The following TCF4 variants were observed in gnomAD, a reference collection of about 807,000 sequenced individuals.
TCF4 encodes the protein SL3-3 enhancer factor 2.
In TCF4, 3 loss-of-function variants were observed where a neutral mutation model predicts 82.1. The ratio of observed to expected loss-of-function variants is 0.04; its 90% confidence interval spans 0.02 to 0.09. The LOEUF is 0.09. Among genes scored for constraint, TCF4 ranks in the 10% least tolerant of loss-of-function variants. The probability of loss-of-function intolerance (pLI) is 1.00; values close to 1 mark genes in which losing one functional copy is unlikely to be tolerated. For missense variants in TCF4, 518 were observed against 852.7 expected, an observed-to-expected ratio of 0.61 and a Z score of 4.89; for synonymous variants, 276 against 309.6, an observed-to-expected ratio of 0.89 and a Z score of 1.14.
upstream of TCF4, among the ~76,000 whole-genome samples, chr18:55,588,955 C>G (rs1473875926): frequency 1.3e-5 from 2 of 151,964 alleles, no homozygotes; most frequent in Non-Finnish European, 2.9e-5. Context: ...CAACATTTAC[C>G]ATTATAGGCC....
At chr18:55,589,873 G>C (rs893069623), upstream of TCF4, 1 of 994,382 alleles carries the variant, frequency 1.0e-6, no homozygotes. Context: ...GGCGGGAGCA[G>C]GCGACCATAG....
chr18:55,522,114 GA>G (rs2096938122), intron 3 of TCF4, among the ~76,000 whole-genome samples: 1 of 152,150 alleles, frequency 6.6e-6, no homozygotes, highest in Admixed American at 6.5e-5. Flanking sequence ...CTAAAAACTG[GA>G]AAAGACTGAT....
At chr18:55,625,307 C>T (rs1322656419) in intron 2 of TCF4, among the ~76,000 whole-genome samples, 9 of 150,260 alleles carry the variant, frequency 6.0e-5, no homozygotes, top group Non-Finnish European at 1.3e-4. Flanking sequence ...GGCCTGATCT[C>T]GGCTCACTGC....
intron 5 of TCF4, among the ~76,000 whole-genome samples, chr18:55,424,004 C>T (rs913826991): frequency 4.6e-5 from 7 of 152,078 alleles, no homozygotes; most frequent in Non-Finnish European, 7.4e-5. Flanking sequence ...CATGGCCCCT[C>T]CCTCTCCAAC....
chr18:55,222,770 T>C lies in TCF4; in HGVS notation c.*5265A>G, dbSNP rs2144209776. ...TAGATTGATGTCCATTCTACAAAAA[T>C]ATTAACTTACAGTACATAACACTGA... On this transcript the variant is annotated 3_prime_UTR_variant, in exon 20 of 20. Coordinates refer to ENST00000354452, the MANE Select transcript of TCF4 (RefSeq NM_001083962.2). The C allele has an allele frequency of 6.5e-6, 1 of 152,766 alleles. No individual in the cohort carries two copies. The highest frequency in any genetic ancestry group is 2.1e-4 in the South Asian group (1 of 4,824). 9.5% of individuals were successfully genotyped at this position (152,766 alleles called of 1,614,324 possible). A position where few individuals can be genotyped will look rare whatever the true frequency, so the allele number is the denominator to read the frequency against.
chr18:55,390,480 G>T (rs2092997933), intron 6 of TCF4, among the ~76,000 whole-genome samples: 1 of 151,656 alleles, frequency 6.6e-6, no homozygotes, highest in Non-Finnish European at 1.5e-5. Context: ...ATGTATTATT[G>T]TTGAATGTTC....
chr18:55,247,512 G>C (rs2053642792), intron 15 of TCF4, among the ~76,000 whole-genome samples: 1 of 152,182 alleles, frequency 6.6e-6, no homozygotes, highest in African/African-American at 2.4e-5. Flanking sequence ...ATCAAACATA[G>C]CAAAACAGGA....
chr18:55,300,387 G>T (rs1167297636), intron 8 of TCF4, among the ~76,000 whole-genome samples: 1 of 148,054 alleles, frequency 6.8e-6, no homozygotes, highest in Non-Finnish European at 1.5e-5. Flanking sequence ...CGGTCATTTG[G>T]AAGGCAGGGG....
chr18:55,490,891 G>A (rs1422390596), intron 3 of TCF4, among the ~76,000 whole-genome samples: 1 of 152,180 alleles, frequency 6.6e-6, no homozygotes, highest in African/African-American at 2.4e-5. Flanking sequence ...GAATGACTGA[G>A]AATGCTATTT....
At chr18:55,545,741 C>T (rs976901535) in intron 3 of TCF4, among the ~76,000 whole-genome samples, 34 of 152,122 alleles carry the variant, frequency 2.2e-4, no homozygotes, top group African/African-American at 7.5e-4. Flanking sequence ...TGAGACACCA[C>T]GCCCGGCGCC....
chr18:55,335,024 T>C (rs1320777922), intron 8 of TCF4, among the ~76,000 whole-genome samples: 2 of 152,162 alleles, frequency 1.3e-5, no homozygotes, highest in African/African-American at 4.8e-5. Flanking sequence ...GAGGACCAGA[T>C]TTGGCCACTG....
At chr18:55,584,843 T>C (rs1467269290) in intron 3 of TCF4, among the ~76,000 whole-genome samples, 1 of 152,158 alleles carries the variant, frequency 6.6e-6, no homozygotes, top group Non-Finnish European at 1.5e-5. Flanking sequence ...TTTGCAGAAT[T>C]AAGTGTTCAT....
At chr18:55,466,997 T>A (rs1283632151) in intron 3 of TCF4, among the ~76,000 whole-genome samples, 1 of 152,224 alleles carries the variant, frequency 6.6e-6, no homozygotes, top group Non-Finnish European at 1.5e-5. Context: ...TGCACCTTTC[T>A]TTCTTTGATT....
At chr18:55,635,640 G>A in intron 1 of TCF4, 1 of 1,503,058 alleles carries the variant, frequency 6.7e-7, no homozygotes, top group Admixed American at 2.2e-5. Context: ...GGTGGCCATG[G>A]GAGATCATTT....
At chr18:55,579,433 T>TA (rs973430249) in intron 3 of TCF4, among the ~76,000 whole-genome samples, 31 of 138,020 alleles carry the variant, frequency 2.2e-4, no homozygotes, top group African/African-American at 4.8e-4. Context: ...CACCTGGCCA[T>TA]AAAAAATAGC....
chr18:55,458,900 C>G (rs866329028), intron 5 of TCF4, among the ~76,000 whole-genome samples: 3 of 152,134 alleles, frequency 2.0e-5, no homozygotes, highest in African/African-American at 4.8e-5. Flanking sequence ...TGACCCCAGT[C>G]TGACACTGCG....
intron 3 of TCF4, among the ~76,000 whole-genome samples, chr18:55,556,802 C>A (rs967856938): frequency 6.6e-5 from 10 of 152,212 alleles, no homozygotes; most frequent in Non-Finnish European, 1.5e-4. Context: ...TACTGTTATT[C>A]AGTTCAGTTC....
intron 8 of TCF4, among the ~76,000 whole-genome samples, chr18:55,347,300 C>T (rs2081386031): frequency 6.6e-6 from 1 of 151,894 alleles, no homozygotes; most frequent in African/African-American, 2.4e-5. Flanking sequence ...GCAGAGCTCT[C>T]GTGGGCAATT....
intron 2 of TCF4, among the ~76,000 whole-genome samples, chr18:55,625,364 G>A (rs2097725521): frequency 6.6e-6 from 1 of 151,634 alleles, no homozygotes; most frequent in Non-Finnish European, 1.5e-5. Flanking sequence ...TCAGCCTCCT[G>A]AGTAGCTGGG....
Sources: allele counts gnomAD v4.1 joint callset (sites outside exome capture counted in the v4.1 genomes callset), GRCh38; gene constraint gnomAD v4.1.1; transcripts MANE v1.5; gene names NCBI Gene and HGNC (gene_info 2026-07-23, HGNC 2026-07-21).